The following RNMT variants were observed in gnomAD, a reference collection of about 807,000 sequenced individuals.
The protein encoded by RNMT is RNA guanine-7 methyltransferase, also known as mRNA cap guanine-N(7) methyltransferase.
Under a neutral mutation model 56.0 loss-of-function variants are expected in RNMT, and 27 were observed. That is an observed-to-expected ratio of 0.48 (90% CI 0.36 to 0.67). The LOEUF (loss-of-function observed/expected upper bound fraction) is 0.67. Ranked by LOEUF, RNMT falls within the 30% of genes least tolerant of loss-of-function variation. The pLI, the probability that RNMT is intolerant of heterozygous loss-of-function variation, is 0.00. For missense variants in RNMT, 519 were observed against 552.1 expected (o/e 0.94, Z 0.60); for synonymous variants, 184 against 176.2 (o/e 1.04, Z -0.35).
intron 8 of RNMT, among the ~76,000 whole-genome samples, 162 bp from the exon 9 acceptor site, chr18:13,746,058 G>A (rs1296470417): frequency 6.6e-6 from 1 of 152,176 alleles, no homozygotes; most frequent in Non-Finnish European, 1.5e-5. Flanking sequence ...TTTTAGGTGT[G>A]ATATGTTACT....
chr18:13,743,352 A>C (rs2044290221), intron 8 of RNMT, among the ~76,000 whole-genome samples: 1 of 150,262 alleles, frequency 6.7e-6, no homozygotes, highest in Non-Finnish European at 1.5e-5. Flanking sequence ...AAATAAATAA[A>C]TAAATAAATA....
At chr18:13,757,723 T>C (rs2044567074) in intron 11 of RNMT, among the ~76,000 whole-genome samples, 1 of 152,222 alleles carries the variant, frequency 6.6e-6, no homozygotes, top group Non-Finnish European at 1.5e-5. Flanking sequence ...TGCGTTCATG[T>C]TGATATTTTG....
chr18:13,747,218 TA>T (rs1441106608), intron 9 of RNMT, among the ~76,000 whole-genome samples: 32 of 56,124 alleles, frequency 5.7e-4, no homozygotes, highest in East Asian at 2.1e-3. Context: ...ATTTTTTTCC[TA>T]TTTTTTTTTT....
At chr18:13,746,966 A>G (rs1159069733) in intron 9 of RNMT, among the ~76,000 whole-genome samples, 4 of 152,232 alleles carry the variant, frequency 2.6e-5, no homozygotes, top group African/African-American at 4.8e-5. Flanking sequence ...AGGTATCTAT[A>G]TAAGCTTCAA....
intron 9 of RNMT, among the ~76,000 whole-genome samples, chr18:13,752,032 A>T (rs1386036155): frequency 6.6e-6 from 1 of 152,170 alleles, no homozygotes. Context: ...TGATGAGTTG[A>T]TGGGTGCAGC....
intron 11 of RNMT, among the ~76,000 whole-genome samples, chr18:13,755,037 G>A (rs1568514684): frequency 6.6e-6 from 1 of 152,178 alleles, no homozygotes; most frequent in Non-Finnish European, 1.5e-5. Flanking sequence ...TGTTACTGTA[G>A]GAATCCCCTT....
chr18:13,754,997 T>A (rs1198115244), intron 11 of RNMT, among the ~76,000 whole-genome samples: 2 of 152,128 alleles, frequency 1.3e-5, no homozygotes, highest in Non-Finnish European at 2.9e-5. Flanking sequence ...CAGCAGTGGG[T>A]GTTGAGGAAG....
At chr18:13,751,000 A>C (rs1228781561) in intron 9 of RNMT, among the ~76,000 whole-genome samples, 2 of 152,198 alleles carry the variant, frequency 1.3e-5, no homozygotes, top group African/African-American at 4.8e-5. Flanking sequence ...AAGACATAAA[A>C]CCATAAAAAC....
Position 13,740,221 on chromosome 18 carries a change from A to G in RNMT, c.734A>G (p.Asn245Ser). 1 of 1,613,240 alleles carries G rather than the reference A, an allele frequency of 6.2e-7. No homozygotes were observed. Among genetic ancestry groups the G allele is most frequent in the Non-Finnish European group, 8.5e-7 (1 of 1,179,212 alleles). Residue 245 changes from asparagine to serine, a missense_variant, in exon 6 of 12, where the codon AAT (asparagine) becomes AGT (serine). By Grantham distance (46) the Asn-to-Ser change is conservative. Transcript: ENST00000383314. Reference protein sequence around the residue: ...QCQQRYEDMKNRRDSEYIFSA... With the variant: ...QCQQRYEDMKSRRDSEYIFSA... ...CAGCAGCGGTATGAGGACATGAAAA[A>G]TCGTCGTGATAGTGAATATATTTTC...
At chr18:13,727,280 C>G (rs751931722) in intron 1 of RNMT, among the ~76,000 whole-genome samples, 6 of 152,202 alleles carry the variant, frequency 3.9e-5, no homozygotes, top group Non-Finnish European at 8.8e-5. Context: ...AGAGACATAG[C>G]TTGCTTCGGA....
intron 9 of RNMT, among the ~76,000 whole-genome samples, chr18:13,749,113 T>G (rs1360964796): frequency 6.6e-6 from 1 of 152,116 alleles, no homozygotes; most frequent in African/African-American, 2.4e-5. Flanking sequence ...AATAACGATG[T>G]TTTACAGCTT....
intron 6 of RNMT, 123 bp downstream of exon 6, chr18:13,740,402 G>GTCT (rs1384634340): frequency 3.3e-6 from 2 of 599,560 alleles, no homozygotes; most frequent in Non-Finnish European, 5.8e-6. Context: ...TTGAGACAGG[G>GTCT]TCTTACTCTG....
In RNMT at chr18:13,731,324, C is replaced by T. The variant is rs1208810610; in HGVS notation, c.-42-152C>T. ...TGGGGAGGCTGAGGCGGGAGAATCA[C>T]TTGAACCCCAGAGGCGGAGCTTGCA... On this transcript the variant is annotated intron_variant, in intron 2 of 11. Transcript: ENST00000383314. 3.0e-5 allele frequency: 12 copies of T among 397,084 alleles called. No individual in the cohort carries two copies. In the South Asian group the frequency reaches 4.0e-4, roughly 13 times the overall value. The allele number at this position is 397,084 out of a possible 1,614,324, so 24.6% of individuals were successfully genotyped here.
At chr18:13,744,242 T>C (rs990459296) in intron 8 of RNMT, among the ~76,000 whole-genome samples, 2 of 150,188 alleles carry the variant, frequency 1.3e-5, no homozygotes, top group Non-Finnish European at 3.0e-5. Flanking sequence ...TCTAATTTTT[T>C]AAAAGATTAT....
rs186154627 is a variant in RNMT, at chr18:13,750,103, A to G, written c.1258-2223A>G. On this transcript the variant is annotated intron_variant, in intron 9 of 11. Transcript: ENST00000383314. ...GGCAAAATGCAGATACTATAAAGGG[A>G]TATCACTTAAAATGAATTAAAAATG... Among the ~76,000 whole-genome samples, 3 of 152,256 alleles carry G rather than the reference A, an allele frequency of 2.0e-5. 1 individual carries two copies. The highest frequency in any genetic ancestry group is 1.3e-4 in the Admixed American group (2 of 15,294).
chr18:13,750,368 A>G (rs2044420663), intron 9 of RNMT, among the ~76,000 whole-genome samples: 1 of 151,828 alleles, frequency 6.6e-6, no homozygotes, highest in Non-Finnish European at 1.5e-5. Context: ...TTTTTATGAC[A>G]TCTTTAAGCT....
At chr18:13,745,117 C>T (rs2044330154) in intron 8 of RNMT, among the ~76,000 whole-genome samples, 2 of 152,302 alleles carry the variant, frequency 1.3e-5, no homozygotes, top group African/African-American at 2.4e-5. Flanking sequence ...GAAGGCCCAT[C>T]CTGATTTATA....
chr18:13,754,277 C>A, intron 11 of RNMT, 130 bp downstream of exon 11: 1 of 556,398 alleles, frequency 1.8e-6, no homozygotes, highest in Admixed American at 3.5e-5. Context: ...GATGCCGAGA[C>A]AGACAGATTC....
chr18:13,744,159 CTTTT>C lies in RNMT; in HGVS notation c.1139+1530_1139+1533del, dbSNP rs201093998. 6.8e-4 allele frequency among the ~76,000 whole-genome samples: 62 copies of C among 91,414 alleles called. 1 individual carries two copies. Among genetic ancestry groups the C allele is most frequent in the African/African-American group, 1.1e-3 (21 of 18,908 alleles). The allele number at this position is 91,414 out of a possible 152,430, so 60.0% of individuals were successfully genotyped here. The stretch of plus-strand genomic sequence containing the variant: ...ATGCTAAACAAGACCTAGCGGTCTT[CTTTT>C]TTTTTTTTTTTTTTTTTTTTTTGAC... On this transcript the variant is annotated intron_variant, in intron 8 of 11. Coordinates refer to ENST00000383314, the MANE Select transcript of RNMT (RefSeq NM_003799.3).
Sources: gnomAD v4.1 joint callset for allele counts (sites outside exome capture counted in the v4.1 genomes callset) on GRCh38, gnomAD v4.1.1 for gene constraint, MANE v1.5 for transcripts, NCBI Gene and HGNC (gene_info 2026-07-23, HGNC 2026-07-21) for gene names.